Variants in CADPS2 observed in about 807,000 individuals in gnomAD.
CADPS2 encodes the protein calcium-dependent secretion activator 2.
CADPS2 carries 93 observed loss-of-function variants against 172.5 expected under a neutral mutation model. The ratio of observed to expected loss-of-function variants is 0.54; its 90% CI spans 0.46 to 0.64. The LOEUF is 0.64. Ranked by LOEUF, CADPS2 falls within the 30% of genes least tolerant of loss-of-function variation. The pLI is 0.00. For synonymous variants in CADPS2, 546 were observed against 555.2 expected (o/e 0.98, Z 0.23); for missense variants, 1,420 against 1,565.9 (o/e 0.91, Z 1.57).
At chr7:122,432,773 A>G (rs1045677728) in intron 17 of CADPS2, among the ~76,000 whole-genome samples, 1 of 151,896 alleles carries the variant, frequency 6.6e-6, no homozygotes, top group Admixed American at 6.6e-5. Flanking sequence ...ACTGAGGAAA[A>G]TTATTGGAAT....
At chr7:122,878,638 T>TTAAA (rs1821973330) in intron 1 of CADPS2, among the ~76,000 whole-genome samples, 1 of 103,546 alleles carries the variant, frequency 9.7e-6, no homozygotes, top group Admixed American at 1.2e-4. Context: ...AGACTCTGTC[T>TTAAA]CAAATAAATA....
intron 1 of CADPS2, among the ~76,000 whole-genome samples, chr7:122,858,314 A>C (rs1815904670): frequency 6.6e-6 from 1 of 152,200 alleles, no homozygotes; most frequent in Non-Finnish European, 1.5e-5. Context: ...ATATACCCAC[A>C]AACTCTCGAA....
chr7:122,322,947 T>C (rs947117861), intron 29 of CADPS2, among the ~76,000 whole-genome samples: 4 of 152,146 alleles, frequency 2.6e-5, no homozygotes, highest in Non-Finnish European at 4.4e-5. Context: ...TGCTGAACCA[T>C]GCAGGCCAAG....
chr7:122,352,545 A>G (rs1012558526), intron 27 of CADPS2, among the ~76,000 whole-genome samples: 1 of 152,208 alleles, frequency 6.6e-6, no homozygotes, highest in Non-Finnish European at 1.5e-5. Flanking sequence ...CAAAACATTC[A>G]TCTGGAAAGC....
intron 2 of CADPS2, among the ~76,000 whole-genome samples, chr7:122,716,333 G>C (rs2089593056): frequency 6.6e-6 from 1 of 151,986 alleles, no homozygotes; most frequent in Non-Finnish European, 1.5e-5. Context: ...CTAAAACAAT[G>C]GTCCACACTG....
At position 122,554,675 on chromosome 7, in the gene CADPS2, TG is replaced by T; in HGVS notation, c.1349del (p.Pro450GlnfsTer15). On this transcript the variant is annotated frameshift_variant, in exon 8 of 30. Transcript: ENST00000449022. LOFTEE classifies it high-confidence loss of function. Reference protein sequence around the residue: ...DKELGRVILYPTSNSSKSAEL... With the variant: ...DKELGRVILYXTSNSSKSAEL... ...CAGCTGATTTGGAGCTATTAGAAGT[TG>T]GGTATAATATCACCTGTATGGAAAA... 6.2e-7 allele frequency: 1 copy of T among 1,608,152 alleles called. No homozygotes were observed. Among genetic ancestry groups the T allele is most frequent in the Non-Finnish European group, 8.5e-7 (1 of 1,177,178 alleles).
intron 2 of CADPS2, among the ~76,000 whole-genome samples, chr7:122,676,213 C>T (rs115240945): frequency 0.024 from 3,581 of 152,030 alleles, 140 homozygotes; most frequent in African/African-American, 0.082. Context: ...AGTCTGTTTA[C>T]GAGAAACACC....
chr7:122,729,202 C>CT (rs1053170050), intron 2 of CADPS2, among the ~76,000 whole-genome samples: 3 of 151,432 alleles, frequency 2.0e-5, no homozygotes, highest in African/African-American at 7.3e-5. Flanking sequence ...GGATTTCATT[C>CT]TTTTTTTTAC....
chr7:122,322,975 G>A (rs944612060), intron 29 of CADPS2, among the ~76,000 whole-genome samples: 1 of 152,154 alleles, frequency 6.6e-6, no homozygotes, highest in African/African-American at 2.4e-5. Context: ...GACCTGGATG[G>A]AAGGAAAGTC....
At chr7:122,605,505 T>C (rs972975939) in intron 6 of CADPS2, among the ~76,000 whole-genome samples, 2 of 152,152 alleles carry the variant, frequency 1.3e-5, no homozygotes, top group African/African-American at 4.8e-5. Context: ...GCAAACTCTT[T>C]ACAGAAATTT....
At chr7:122,473,885 C>T (rs543018539) in intron 13 of CADPS2, among the ~76,000 whole-genome samples, 1 of 152,088 alleles carries the variant, frequency 6.6e-6, no homozygotes, top group African/African-American at 2.4e-5. Flanking sequence ...CTAGATGAAA[C>T]CAAAACTTTC....
intron 1 of CADPS2, among the ~76,000 whole-genome samples, chr7:122,782,456 C>G (rs1259137440): frequency 6.6e-6 from 1 of 152,096 alleles, no homozygotes; most frequent in Non-Finnish European, 1.5e-5. Flanking sequence ...ACAACAACAA[C>G]AAAAATTAGC....
chr7:122,669,926 G>A (rs1227829447), intron 2 of CADPS2, among the ~76,000 whole-genome samples: 3 of 151,504 alleles, frequency 2.0e-5, no homozygotes, highest in African/African-American at 7.3e-5. Flanking sequence ...TTCCATCCTC[G>A]AGAGGCCTGG....
intron 11 of CADPS2, among the ~76,000 whole-genome samples, chr7:122,484,339 A>G (rs974176337): frequency 6.6e-6 from 1 of 152,152 alleles, no homozygotes; most frequent in Non-Finnish European, 1.5e-5. Flanking sequence ...AAGAAAGGAT[A>G]GCCCAGAAAT....
At position 122,806,607 on chromosome 7, in the gene CADPS2, G is replaced by A. The variant is rs368390474; in HGVS notation, c.340-69539C>T. Among the ~76,000 whole-genome samples the A allele has an allele frequency of 3.9e-5, 6 of 152,250 alleles. No individual in the cohort carries two copies. In the East Asian group the frequency reaches 7.7e-4, roughly 20 times the overall value. ...CGAATGATTTTATCTTTCTCTCACA[G>A]CTTAACATTAATGCAGTCCAGGAAA... On this transcript the variant is annotated intron_variant, in intron 1 of 29. Coordinates refer to ENST00000449022, the MANE Select transcript of CADPS2 (RefSeq NM_017954.11).
At chr7:122,514,095 G>T (rs1229704714) in intron 8 of CADPS2, among the ~76,000 whole-genome samples, 2 of 152,022 alleles carry the variant, frequency 1.3e-5, no homozygotes, top group Non-Finnish European at 2.9e-5. Context: ...GGAAAAAGAA[G>T]AAATTAAAAA....
At chr7:122,424,875 ACTTTGCTCTGGATAGCT>A (rs1483968418) in intron 17 of CADPS2, among the ~76,000 whole-genome samples, 2 of 151,010 alleles carry the variant, frequency 1.3e-5, no homozygotes, top group East Asian at 3.9e-4. Flanking sequence ...CTGTCTACTT[ACTTTGCTCTGGATAGCT>A]CTGGATATAA....
chr7:122,415,694 C>A (rs2151753117), intron 18 of CADPS2, among the ~76,000 whole-genome samples: 1 of 151,788 alleles, frequency 6.6e-6, no homozygotes, highest in East Asian at 1.9e-4. Flanking sequence ...CTGAAAGTTG[C>A]CTTAGGGTCA....
intron 1 of CADPS2, among the ~76,000 whole-genome samples, chr7:122,787,500 G>A (rs116317352): frequency 1.3e-5 from 2 of 152,156 alleles, no homozygotes; most frequent in Non-Finnish European, 2.9e-5. Context: ...ACTTCAAAGG[G>A]AAGTTAGGAA....
Sources: gnomAD v4.1 joint callset for allele counts (sites outside exome capture counted in the v4.1 genomes callset) on GRCh38, gnomAD v4.1.1 for gene constraint, MANE v1.5 for transcripts, NCBI Gene and HGNC (gene_info 2026-07-23, HGNC 2026-07-21) for gene names.